ABCA9: variants seen among roughly 807,000 people sequenced by gnomAD.
ABCA9 encodes the protein ATP binding cassette subfamily A member 9, also known as ATP-binding cassette sub-family A member 9.
Under a neutral mutation model 205.3 loss-of-function variants are expected in ABCA9, and 183 were observed. That is an observed-to-expected ratio of 0.89 (90% CI 0.79 to 1.01). The LOEUF (loss-of-function observed/expected upper bound fraction) is 1.01, where lower values mean the gene tolerates loss of function less well. Ranked by LOEUF, ABCA9 falls within the 50% of genes least tolerant of loss-of-function variation. ABCA9 has a pLI of 0.00. For missense variants in ABCA9, 1,805 were observed against 1,912.4 expected (o/e 0.94, Z 1.05); for synonymous variants, 651 against 683.3 (o/e 0.95, Z 0.74).
In ABCA9 at chr17:69,042,059, T is replaced by G. The variant is rs187385649; in HGVS notation, c.800+1430A>C. ...GGGCAAATTCAAGATTCAAGCCATT[T>G]CTTTCTGACTCCAGAACTCAGGCTT... is the stretch of plus-strand genomic sequence containing the variant. On this transcript the variant is annotated intron_variant, in intron 6 of 38. Coordinates refer to ENST00000340001, the MANE Select transcript of ABCA9 (RefSeq NM_080283.4). Among the ~76,000 whole-genome samples the G allele has an allele frequency of 4.2e-3, 635 of 152,310 alleles. 7 individuals are homozygous for G. The highest frequency in any genetic ancestry group is 0.015 in the African/African-American group (614 of 41,566).
chr17:68,986,114 T>TA, intron 32 of ABCA9, 50 bp downstream of exon 32: 1 of 1,533,750 alleles, frequency 6.5e-7, no homozygotes, highest in Non-Finnish European at 8.8e-7. Context: ...TGTATGTTAT[T>TA]AATACAACAT....
At chr17:69,076,540 G>A in the ABCA9 span, among the ~76,000 whole-genome samples, 12 of 152,104 alleles carry the variant, frequency 7.9e-5, no homozygotes, top group Non-Finnish European at 1.6e-4. Context: ...AATGAGTTAC[G>A]GAGTAGTCCC....
chr17:69,002,539 T>G (rs370687505), intron 25 of ABCA9, among the ~76,000 whole-genome samples: 10 of 150,498 alleles, frequency 6.6e-5, no homozygotes, highest in East Asian at 1.9e-4. Context: ...TTACTTCCAA[T>G]TATGTGGTCA....
At chr17:68,993,921 G>A (rs1181797385) in intron 26 of ABCA9, among the ~76,000 whole-genome samples, 1 of 152,118 alleles carries the variant, frequency 6.6e-6, no homozygotes, top group Non-Finnish European at 1.5e-5. Context: ...TGTTGCCCAG[G>A]CTGGAGTGCA....
intron 25 of ABCA9, among the ~76,000 whole-genome samples, chr17:69,002,544 T>C (rs1215212751): frequency 6.7e-6 from 1 of 150,130 alleles, no homozygotes; most frequent in Non-Finnish European, 1.5e-5. Context: ...TCCAATTATG[T>C]GGTCAATTTT....
intron 31 of ABCA9, 102 bp downstream of exon 31, chr17:68,988,924 TA>T: frequency 1.4e-6 from 1 of 702,476 alleles, no homozygotes; most frequent in East Asian, 2.5e-5. Flanking sequence ...ATTCAATGCA[TA>T]AATCACACTA....
At chr17:69,059,466 A>T (rs1303817067) in intron 1 of ABCA9, among the ~76,000 whole-genome samples, 1 of 151,982 alleles carries the variant, frequency 6.6e-6, no homozygotes, top group Non-Finnish European at 1.5e-5. Flanking sequence ...AAGATGGAGG[A>T]GGAAGACCAT....
At chr17:69,025,784 C>CAGAT (rs1461439346) in intron 16 of ABCA9, among the ~76,000 whole-genome samples, 20 of 152,226 alleles carry the variant, frequency 1.3e-4, no homozygotes, top group African/African-American at 4.8e-4. Flanking sequence ...TGGAGATTGG[C>CAGAT]AGATTGTTAA....
intron 1 of ABCA9, among the ~76,000 whole-genome samples, chr17:69,056,273 T>C (rs1331958191): frequency 6.6e-6 from 1 of 151,888 alleles, no homozygotes; most frequent in African/African-American, 2.4e-5. Context: ...CTACCAAGAC[T>C]AACTAAGAAA....
chr17:69,038,155 C>G (rs972211811), intron 6 of ABCA9, among the ~76,000 whole-genome samples: 1 of 152,116 alleles, frequency 6.6e-6, no homozygotes, highest in South Asian at 2.1e-4. Context: ...GGAGCTGGTA[C>G]CATTCATTCT....
chr17:69,050,309 A>G (rs900702254), intron 2 of ABCA9, among the ~76,000 whole-genome samples: 1 of 149,508 alleles, frequency 6.7e-6, no homozygotes, highest in Admixed American at 6.8e-5. Context: ...CATTCAATAC[A>G]TATTTGTTGC....
At chr17:68,996,339 A>G (rs1179612049) in intron 25 of ABCA9, among the ~76,000 whole-genome samples, 3 of 152,182 alleles carry the variant, frequency 2.0e-5, no homozygotes, top group African/African-American at 4.8e-5. Context: ...TCATTTCACA[A>G]TAGTTCATAG....
rs376358768 is a variant in ABCA9 at position 69,004,197 on chromosome 17, A to G, written c.3435+3562T>C. On this transcript the variant is annotated intron_variant, in intron 25 of 38. Transcript: ENST00000340001. The stretch of plus-strand genomic sequence containing the variant: ...CCTTTGGAGGAGGAGAGGCGCTCTG[A>G]TTTTTAGAGTTTCCAGTTTTTCTGT... Among the ~76,000 whole-genome samples the G allele has an allele frequency of 5.3e-5, 8 of 152,204 alleles. No individual in the cohort carries two copies. The East Asian group carries it at 1.5e-3, about 29-fold the overall frequency.
chr17:69,026,588 ATTCTGGCCATACG>A (rs1249898029), intron 15 of ABCA9, 121 bp from the exon 16 acceptor site: 43 of 911,520 alleles, frequency 4.7e-5, no homozygotes, highest in Admixed American at 1.2e-4. Flanking sequence ...ATATACTCTA[ATTCTGGCCATACG>A]TAAACCACTT....
intron 9 of ABCA9, chr17:69,033,404 A>C (rs1474873097): frequency 2.3e-5 from 4 of 172,240 alleles, no homozygotes; most frequent in Non-Finnish European, 4.9e-5. Flanking sequence ...ATATCAAGTG[A>C]GTTAAATGGG....
intron 37 of ABCA9, among the ~76,000 whole-genome samples, chr17:68,979,467 C>T (rs1473889199): frequency 6.6e-6 from 1 of 150,876 alleles, no homozygotes; most frequent in Non-Finnish European, 1.5e-5. Flanking sequence ...AAAGAGCCTG[C>T]ATTGCCAAGT....
intron 1 of ABCA9, 145 bp from the exon 2 acceptor site, chr17:69,051,284 CAT>C (rs1050322290): frequency 3.2e-6 from 2 of 627,232 alleles, no homozygotes; most frequent in Non-Finnish European, 5.3e-6. Context: ...AAAATAAAAA[CAT>C]GTGAGGAAAT....
At chr17:68,982,862 C>T (rs2069105633) in intron 36 of ABCA9, among the ~76,000 whole-genome samples, 1 of 152,048 alleles carries the variant, frequency 6.6e-6, no homozygotes, top group Non-Finnish European at 1.5e-5. Flanking sequence ...AAAAATTAGC[C>T]AGGAATGGTG....
chr17:69,024,500 A>G (rs2070920215), intron 16 of ABCA9, 147 bp from the exon 17 acceptor site: 2 of 734,190 alleles, frequency 2.7e-6, no homozygotes, highest in Non-Finnish European at 4.2e-6. Context: ...ATGTAAAACT[A>G]CTAATAAAGT....
Sources: allele counts gnomAD v4.1 joint callset (sites outside exome capture counted in the v4.1 genomes callset), GRCh38; gene constraint gnomAD v4.1.1; transcripts MANE v1.5; gene names NCBI Gene and HGNC (gene_info 2026-07-23, HGNC 2026-07-21).